Variants in PCIF1 observed in about 807,000 individuals in gnomAD.
The protein encoded by PCIF1 is mRNA (2'-O-methyladenosine-N(6)-)-methyltransferase.
PCIF1 carries 12 observed loss-of-function variants against 86.9 expected under a neutral mutation model. The ratio of observed to expected loss-of-function variants is 0.14; its 90% CI spans 0.09 to 0.22. The LOEUF (loss-of-function observed/expected upper bound fraction) is 0.22. Ranked by LOEUF, PCIF1 falls within the 10% of genes least tolerant of loss-of-function variation. The pLI, the probability that PCIF1 is intolerant of heterozygous loss-of-function variation, is 1.00. For synonymous variants in PCIF1, 397 were observed against 372.0 expected (o/e 1.07, Z -0.77); for missense variants, 701 against 951.1 (o/e 0.74, Z 3.46).
At position 45,942,355 on chromosome 20, in the gene PCIF1, C is replaced by T. The variant is rs1321227779; in HGVS notation, c.674-742C>T. ...CTAAGATGGAGTTTTGTTCTTGTTG[C>T]CCTGGCTGGAGTGCAATGGCACGGT... On this transcript the variant is annotated intron_variant, in intron 7 of 16. Coordinates refer to ENST00000372409, the MANE Select transcript of PCIF1 (RefSeq NM_022104.4). 2.7e-5 allele frequency among the ~76,000 whole-genome samples: 4 copies of T among 146,692 alleles called. No individual in the cohort carries two copies. The Admixed American group carries it at 2.8e-4, about 10-fold the overall frequency.
rs746057213 is a variant in PCIF1 at position 45,939,350 on chromosome 20, G to T, written c.249+11G>T. Reference sequence around the variant, plus strand: ...CAGCACGATGTGATTGTGAGTGCCAGCCTAGGGTGGGGGGGTCTCAGAGTG... The same window carrying T: ...CAGCACGATGTGATTGTGAGTGCCATCCTAGGGTGGGGGGGTCTCAGAGTG... On this transcript the variant is annotated intron_variant, in intron 4 of 16. Coordinates refer to ENST00000372409, the MANE Select transcript of PCIF1 (RefSeq NM_022104.4). The T allele has an allele frequency of 2.1e-5, 34 of 1,612,940 alleles. No individual in the cohort carries two copies. Among genetic ancestry groups the T allele is most frequent in the South Asian group, 3.3e-5 (3 of 91,060 alleles).
In PCIF1 at chr20:45,945,729, A is replaced by G; in HGVS notation, c.1187A>G (p.Glu396Gly). ...CCCACAGAGGAGGTGGAGGCCCCTG[A>G]GGTGGAGCCCCGCCTAGTGTACTGC... ...NNISEEVEAP[E>G]VEPRLVYCYP... The change falls in exon 12 of 17, where the codon GAG becomes GGG. Residue 396 changes from glutamate (E) to glycine (G), a missense_variant. Physicochemically the swap from Glu to Gly is moderately conservative, Grantham distance 98. Around this residue, in one of 7 missense-constraint regions of PCIF1, gnomAD observed 121 missense variants for 131.7 expected, o/e 0.92. Coordinates refer to ENST00000372409, the MANE Select transcript of PCIF1 (RefSeq NM_022104.4). 6.2e-7 allele frequency: 1 copy of G among 1,613,562 alleles called. No individual in the cohort carries two copies. The highest frequency in any genetic ancestry group is 1.3e-5 in the African/African-American group (1 of 75,028).
At position 45,941,102 on chromosome 20, in the gene PCIF1, G is replaced by C. The variant is rs1438950855; in HGVS notation, c.568G>C (p.Gly190Arg). Reference protein sequence around the residue: ...IQTNAVIKHRGPSEVLPPHPE... With the variant: ...IQTNAVIKHRRPSEVLPPHPE... ...GACCAATGCTGTCATCAAGCACCGG[G>C]GGCCTTCAGAGGTGCTGCCCCCGCA... Residue 190 changes from glycine (G) to arginine (R), a missense_variant, in exon 7 of 17, where the codon GGG (glycine) becomes CGG (arginine). Gly to Arg is a moderately radical substitution (Grantham distance 125, BLOSUM62 -2). Coordinates refer to ENST00000372409, the MANE Select transcript of PCIF1 (RefSeq NM_022104.4). 3.7e-6 allele frequency: 6 copies of C among 1,614,212 alleles called. No homozygotes were observed. The highest frequency in any genetic ancestry group is 5.1e-6 in the Non-Finnish European group (6 of 1,180,042).
rs988222969 is a variant in PCIF1, at chr20:45,939,281, A to G, written c.191A>G (p.Asn64Ser). The G allele has an allele frequency of 1.9e-6, 3 of 1,613,686 alleles. No individual in the cohort carries two copies. Among genetic ancestry groups the G allele is most frequent in the Non-Finnish European group, 2.5e-6 (3 of 1,180,008 alleles). Residue 64 changes from asparagine (N) to serine (S), a missense_variant, in exon 4 of 17, where the codon AAC becomes AGC. By Grantham distance (46) the Asn-to-Ser change is conservative. Transcript: ENST00000372409. ...SRRENRPYYFNRFTNQSLWEM... is the reference protein window; with the variant it reads ...SRRENRPYYFSRFTNQSLWEM... The stretch of plus-strand genomic sequence containing the variant: ...AGGGAGAATCGTCCCTACTACTTCA[A>G]CCGATTCACCAACCAGTCCCTGTGG...
chr20:45,936,930 G>A (rs1251330378), intron 1 of PCIF1, among the ~76,000 whole-genome samples: 1 of 152,278 alleles, frequency 6.6e-6, no homozygotes, highest in South Asian at 2.1e-4. Context: ...CCGTCTCAAA[G>A]GAAACCAAAA....
At position 45,943,845 on chromosome 20, in the gene PCIF1, G is replaced by A; in HGVS notation, c.1005+80G>A. On this transcript the variant is annotated intron_variant, in intron 10 of 16. Coordinates refer to ENST00000372409, the MANE Select transcript of PCIF1 (RefSeq NM_022104.4). The surrounding 1 kb of genome is among the most constrained non-coding windows in gnomAD (Gnocchi z 5.5). ...CCAGGAAGCCTACTCTGCCTGTCCAGGCTGGGCAAGGCCTCCCCCAGCGGC... is the reference window on the plus strand; with the variant it reads ...CCAGGAAGCCTACTCTGCCTGTCCAAGCTGGGCAAGGCCTCCCCCAGCGGC... 2 of 1,182,798 alleles carry A rather than the reference G, an allele frequency of 1.7e-6. No homozygotes were observed. The highest frequency in any genetic ancestry group is 2.4e-6 in the Non-Finnish European group (2 of 824,150). 73.3% of individuals were successfully genotyped at this position (1,182,798 alleles called of 1,614,324 possible).
intron 14 of PCIF1, 72 bp from the exon 15 acceptor site, chr20:45,947,000 TG>T (rs1476450000): frequency 6.9e-6 from 9 of 1,307,206 alleles, no homozygotes; most frequent in South Asian, 2.6e-5. Flanking sequence ...TGCCTAGGGT[TG>T]GGGGGTGGCA....
At chr20:45,946,142 C>T in intron 13 of PCIF1, 27 bp downstream of exon 13, 1 of 1,614,098 alleles carries the variant, frequency 6.2e-7, no homozygotes, top group Non-Finnish European at 8.5e-7. Flanking sequence ...GCAGGGAGGG[C>T]TCCCCAGGAG....
chr20:45,937,290 A>G, intron 1 of PCIF1, 128 bp from the exon 2 acceptor site: 2 of 390,068 alleles, frequency 5.1e-6, no homozygotes, highest in East Asian at 3.7e-5. Context: ...CATCCCCTGT[A>G]TTCCCTCATC....
rs1415854542 is a variant in PCIF1 at position 45,939,210 on chromosome 20, T to C, written c.125-5T>C. ...ACCCTGGCTGGGCTCCGTGCCTGTT[T>C]GCAGAGGAGCTGGTGCATGCAGGCT... On this transcript the variant is annotated splice_region_variant and splice_polypyrimidine_tract_variant and intron_variant, in intron 3 of 16. Coordinates refer to ENST00000372409, the MANE Select transcript of PCIF1 (RefSeq NM_022104.4). 3 of 1,613,940 alleles carry C rather than the reference T, an allele frequency of 1.9e-6. No individual in the cohort carries two copies. The highest frequency in any genetic ancestry group is 2.2e-5 in the South Asian group (2 of 91,084).
At chr20:45,937,870 A>G (rs756643986) in intron 2 of PCIF1, 9 of 293,906 alleles carry the variant, frequency 3.1e-5, no homozygotes, top group East Asian at 1.1e-4. Flanking sequence ...CAGTGTCCCA[A>G]TGATTCGTAT....
chr20:45,941,466 T>G (rs1352481390), intron 7 of PCIF1, among the ~76,000 whole-genome samples: 2 of 152,236 alleles, frequency 1.3e-5, no homozygotes, highest in African/African-American at 4.8e-5. Flanking sequence ...TTTATTTATT[T>G]TTTTTGAGAT....
rs763052845 is a variant in PCIF1, at chr20:45,939,102, C to T, written c.103C>T (p.Arg35Cys). The change falls in exon 3 of 17, where the codon CGC becomes TGC. Residue 35 changes from arginine (R) to cysteine (C), a missense_variant. Transcript: ENST00000372409. ...QSQPCSPKPI[R>C]LVQDLPEELV... is the part of the protein sequence containing the mutation. ...CCAGCCCTGTTCTCCAAAGCCAATCCGCCTGGTTCAGGACCTCCCAGGTAC... is the reference window on the plus strand; with the variant it reads ...CCAGCCCTGTTCTCCAAAGCCAATCTGCCTGGTTCAGGACCTCCCAGGTAC... 1.3e-5 allele frequency: 21 copies of T among 1,613,936 alleles called. No individual in the cohort carries two copies. The highest frequency in any genetic ancestry group is 5.0e-5 in the Admixed American group (3 of 59,996).
At chr20:45,935,112 G>A (rs1487534410) in intron 1 of PCIF1, among the ~76,000 whole-genome samples, 1 of 151,576 alleles carries the variant, frequency 6.6e-6, no homozygotes, top group Non-Finnish European at 1.5e-5. Context: ...CGGCGGGGCG[G>A]GGGGCGGAGC....
Position 45,945,693 on chromosome 20 carries a change from T to G in PCIF1, c.1169-18T>G, listed in dbSNP as rs1351996206. The stretch of plus-strand genomic sequence containing the variant: ...GAGAATGAGGAGTGTGGTCCCTCAC[T>G]GCTCTCCCTGCCCACAGAGGAGGTG... On this transcript the variant is annotated intron_variant, in intron 11 of 16. Transcript: ENST00000372409. The G allele has an allele frequency of 6.2e-7, 1 of 1,609,542 alleles. No individual in the cohort carries two copies. Among genetic ancestry groups the G allele is most frequent in the African/African-American group, 1.3e-5 (1 of 74,850 alleles).
Position 45,947,552 on chromosome 20 carries a change from A to G in PCIF1, c.1912A>G (p.Asn638Asp), listed in dbSNP as rs766986785. ...GGAAATGCACTACAAGGCCGTCCAC[A>G]ACACGGCTGTGCTCTTCCTACAGAA... ...KEEMHYKAVH[N>D]TAVLFLQNDP... Residue 638 changes from asparagine to aspartate, a missense_variant, in exon 17 of 17, where the codon AAC (asparagine) becomes GAC (aspartate). By Grantham distance (23) the Asn-to-Asp change is conservative. Transcript: ENST00000372409. This position sits in a 1 kb window ranked among gnomAD's most constrained non-coding sequence, Gnocchi z 5.4. The G allele has an allele frequency of 1.9e-6, 3 of 1,613,766 alleles. No individual in the cohort carries two copies. Among genetic ancestry groups the G allele is most frequent in the Admixed American group, 1.7e-5 (1 of 60,036 alleles).
chr20:45,945,124 C>A, intron 11 of PCIF1, 94 bp downstream of exon 11: 1 of 1,422,548 alleles, frequency 7.0e-7, no homozygotes, highest in Non-Finnish European at 9.4e-7. Context: ...AGGCCAGGGA[C>A]TGGTTTGGGG....
chr20:45,946,144 C>T (rs775177904), intron 13 of PCIF1, 29 bp downstream of exon 13: 29 of 1,614,032 alleles, frequency 1.8e-5, no homozygotes, highest in Non-Finnish European at 8.5e-7. Context: ...AGGGAGGGCT[C>T]CCCAGGAGGG....
At chr20:45,945,062 G>A in intron 11 of PCIF1, 32 bp downstream of exon 11, 1 of 1,565,648 alleles carries the variant, frequency 6.4e-7, no homozygotes. Flanking sequence ...AGCCAGCTGT[G>A]ATGCCGTCAG....
Sources: allele counts gnomAD v4.1 joint callset (sites outside exome capture counted in the v4.1 genomes callset), GRCh38; gene constraint gnomAD v4.1.1; regional missense constraint gnomAD v4.1.1; non-coding constraint Gnocchi (gnomAD v3.1); transcripts MANE v1.5; gene names NCBI Gene and HGNC (gene_info 2026-07-23, HGNC 2026-07-21).